EPB41L2: variants seen among roughly 807,000 people sequenced by gnomAD.
EPB41L2 encodes band 4.1-like protein 2.
A neutral mutation model predicts 113.0 loss-of-function variants in EPB41L2; 43 were observed. The ratio of observed to expected loss-of-function variants is 0.38; its 90% CI spans 0.30 to 0.49. EPB41L2 has a LOEUF of 0.49. Ranked by LOEUF, EPB41L2 falls within the 20% of genes least tolerant of loss-of-function variation. The probability of loss-of-function intolerance (pLI) is 0.95; values close to 1 mark genes in which losing one functional copy is unlikely to be tolerated. For synonymous variants in EPB41L2, 442 were observed against 436.7 expected, an observed-to-expected ratio of 1.01 and a Z score of -0.15; for missense variants, 1,147 against 1,223.4, an observed-to-expected ratio of 0.94 and a Z score of 0.93.
chr6:130,982,443 A>T (rs1437424937), intron 1 of EPB41L2, among the ~76,000 whole-genome samples: 1 of 152,218 alleles, frequency 6.6e-6, no homozygotes, highest in Non-Finnish European at 1.5e-5. Flanking sequence ...AAGGGAAGTT[A>T]ATGACAGACA....
intron 3 of EPB41L2, among the ~76,000 whole-genome samples, chr6:130,943,990 T>C (rs1811803502): frequency 6.6e-6 from 1 of 152,170 alleles, no homozygotes; most frequent in Non-Finnish European, 1.5e-5. Flanking sequence ...ATGGCTCTCA[T>C]GCCTAGAGTT....
At chr6:130,891,390 T>A (rs755530869) in intron 10 of EPB41L2, among the ~76,000 whole-genome samples, 22 of 151,932 alleles carry the variant, frequency 1.4e-4, no homozygotes, top group Middle Eastern at 3.2e-3. Flanking sequence ...CTCTATTAAA[T>A]GCTCCAAGCA....
chr6:130,840,801 G>A (rs1411859672), intron 19 of EPB41L2, among the ~76,000 whole-genome samples: 1 of 152,088 alleles, frequency 6.6e-6, no homozygotes, highest in Non-Finnish European at 1.5e-5. Context: ...AATACCTGGA[G>A]AATTGACAAG....
At chr6:131,058,920 G>A (rs911310417) in intron 1 of EPB41L2, among the ~76,000 whole-genome samples, 1 of 152,156 alleles carries the variant, frequency 6.6e-6, no homozygotes, top group African/African-American at 2.4e-5. Context: ...GAAGGCTGAA[G>A]CACGAGAATT....
At chr6:130,863,342 C>T (rs895023229) in intron 18 of EPB41L2, among the ~76,000 whole-genome samples, 1 of 152,290 alleles carries the variant, frequency 6.6e-6, no homozygotes, top group African/African-American at 2.4e-5. Flanking sequence ...AATATTTGAT[C>T]ACTTGCCTTT....
chr6:130,863,333 A>G (rs2128434271), intron 18 of EPB41L2, among the ~76,000 whole-genome samples: 1 of 152,342 alleles, frequency 6.6e-6, no homozygotes, highest in East Asian at 1.9e-4. Flanking sequence ...TCATTTTTAA[A>G]TATTTGATCA....
At chr6:130,905,219 ACTG>A (rs1797375578) in intron 5 of EPB41L2, among the ~76,000 whole-genome samples, 1 of 152,098 alleles carries the variant, frequency 6.6e-6, no homozygotes, top group Non-Finnish European at 1.5e-5. Context: ...AAGTTAAAAC[ACTG>A]CTATTTATAC....
At chr6:130,954,032 T>TTTTC (rs368152825) in intron 3 of EPB41L2, among the ~76,000 whole-genome samples, 6,876 of 95,294 alleles carry the variant, frequency 0.072, 856 homozygotes, top group Middle Eastern at 0.089. Context: ...TTGCTAGTCC[T>TTTTC]TTTCTTTCTT....
At chr6:131,042,039 T>C (rs1794554958) in intron 1 of EPB41L2, among the ~76,000 whole-genome samples, 3 of 152,186 alleles carry the variant, frequency 2.0e-5, no homozygotes, top group Admixed American at 1.3e-4. Flanking sequence ...CAATCCAGCA[T>C]GGAATGGGGA....
At chr6:130,993,639 C>CG (rs1395619690) in intron 1 of EPB41L2, among the ~76,000 whole-genome samples, 6 of 152,156 alleles carry the variant, frequency 3.9e-5, no homozygotes, top group Non-Finnish European at 8.8e-5. Flanking sequence ...ATGTGTCTTC[C>CG]GGCCAGCTCT....
chr6:130,874,384 A>G (rs1786804943), intron 14 of EPB41L2, among the ~76,000 whole-genome samples: 1 of 152,156 alleles, frequency 6.6e-6, no homozygotes, highest in Non-Finnish European at 1.5e-5. Flanking sequence ...TTTACTTTCA[A>G]TAAGAATTAC....
At chr6:130,877,451 T>C (rs890053363) in intron 14 of EPB41L2, among the ~76,000 whole-genome samples, 1 of 152,194 alleles carries the variant, frequency 6.6e-6, no homozygotes, top group African/African-American at 2.4e-5. Context: ...GAGAAATGTA[T>C]TGAGAATATA....
intron 14 of EPB41L2, among the ~76,000 whole-genome samples, chr6:130,872,714 C>T (rs577207878): frequency 2.6e-5 from 4 of 152,276 alleles, no homozygotes; most frequent in South Asian, 4.1e-4. Context: ...GGTTTGTGAG[C>T]GCCAGCTTTT....
Position 130,931,798 on chromosome 6 carries a change from T to C in EPB41L2, c.706-5089A>G, listed in dbSNP as rs1191790089. 2.0e-5 allele frequency among the ~76,000 whole-genome samples: 3 copies of C among 152,250 alleles called. No individual in the cohort carries two copies. In the South Asian group the frequency reaches 6.2e-4, roughly 32 times the overall value. ...AAATAGTTCTTCCTTTCCCCCGAGA[T>C]TCTGGTATGTTCCATCTTTCTTGAG... is the stretch of plus-strand genomic sequence containing the variant. On this transcript the variant is annotated intron_variant, in intron 3 of 19. Coordinates refer to ENST00000337057, the MANE Select transcript of EPB41L2 (RefSeq NM_001431.4).
chr6:130,919,283 C>T (rs1483736997), intron 4 of EPB41L2, among the ~76,000 whole-genome samples: 1 of 152,102 alleles, frequency 6.6e-6, no homozygotes, highest in African/African-American at 2.4e-5. Context: ...GCATTAGTGT[C>T]TTTCTGTCAA....
chr6:131,017,649 C>A (rs998310639), intron 1 of EPB41L2, among the ~76,000 whole-genome samples: 2 of 152,138 alleles, frequency 1.3e-5, no homozygotes, highest in Admixed American at 1.3e-4. Flanking sequence ...AATAAGCATG[C>A]CTTCTGAGTT....
intron 1 of EPB41L2, among the ~76,000 whole-genome samples, chr6:131,001,154 C>T (rs1333764245): frequency 1.3e-5 from 2 of 151,764 alleles, no homozygotes; most frequent in Non-Finnish European, 2.9e-5. Context: ...CATGCTATCA[C>T]TCAAGTGTGC....
chr6:130,867,663 A>G, intron 15 of EPB41L2, 82 bp from the exon 16 acceptor site: 1 of 1,507,904 alleles, frequency 6.6e-7, no homozygotes, highest in Non-Finnish European at 9.2e-7. Context: ...AAATAATAGT[A>G]AGAAACATAT....
intron 19 of EPB41L2, among the ~76,000 whole-genome samples, chr6:130,856,528 A>C (rs1051371742): frequency 6.6e-6 from 1 of 152,248 alleles, no homozygotes; most frequent in African/African-American, 2.4e-5. Context: ...TCACAGTTAC[A>C]CATATTTACC....
Sources: gnomAD v4.1 joint callset for allele counts (sites outside exome capture counted in the v4.1 genomes callset) on GRCh38, gnomAD v4.1.1 for gene constraint, MANE v1.5 for transcripts, NCBI Gene and HGNC (gene_info 2026-07-23, HGNC 2026-07-21) for gene names.